NDRG1: variants seen among roughly 807,000 people sequenced by gnomAD.
The protein encoded by NDRG1 is N-myc downstream regulated 1.
A neutral mutation model predicts 56.9 loss-of-function variants in NDRG1; 32 were observed. That is an observed-to-expected ratio of 0.56 (90% CI 0.42 to 0.76). NDRG1 has a LOEUF of 0.76. NDRG1 is among the 30% of genes least tolerant of loss of function. The pLI, the probability that NDRG1 is intolerant of heterozygous loss-of-function variation, is 0.00. For synonymous variants in NDRG1, 211 were observed against 204.1 expected, an observed-to-expected ratio of 1.03 and a Z score of -0.29; for missense variants, 507 against 545.7, an observed-to-expected ratio of 0.93 and a Z score of 0.71.
At chr8:133,256,957 G>A in intron 7 of NDRG1, 94 bp from the exon 8 acceptor site, 1 of 1,222,192 alleles carries the variant, frequency 8.2e-7, no homozygotes, top group Non-Finnish European at 1.2e-6. Flanking sequence ...GAAGTACCCA[G>A]AAAAAGGCAG....
At chr8:133,276,027 A>G (rs565549799) in intron 3 of NDRG1, among the ~76,000 whole-genome samples, 2 of 152,352 alleles carry the variant, frequency 1.3e-5, no homozygotes, top group South Asian at 4.1e-4. Flanking sequence ...TTAAAGAAAT[A>G]AAGGAAGGCA....
intron 6 of NDRG1, 41 bp from the exon 7 acceptor site, chr8:133,258,467 G>A: frequency 6.3e-7 from 1 of 1,584,724 alleles, no homozygotes; most frequent in Non-Finnish European, 8.6e-7. Context: ...CAAGGACAGA[G>A]TGACGGGAGC....
chr8:133,297,158 A>T lies in NDRG1; in HGVS notation c.-43T>A, dbSNP rs1180317192. ...CCTAACGCGAGGGAGAAAGGAAAGG[A>T]CGGTGCCGAGGCTGGCGGCCCAGCG... On this transcript the variant is annotated 5_prime_UTR_variant, in exon 1 of 16. Coordinates refer to ENST00000323851, the MANE Select transcript of NDRG1 (RefSeq NM_006096.4). 6.6e-6 allele frequency: 1 copy of T among 152,340 alleles called. No homozygotes were observed. The highest frequency in any genetic ancestry group is 1.5e-5 in the Non-Finnish European group (1 of 68,106). The allele number at this position is 152,340 out of a possible 1,614,324, so 9.4% of individuals were successfully genotyped here.
At chr8:133,264,836 G>A in intron 3 of NDRG1, 184 bp from the exon 4 acceptor site, 1 of 647,986 alleles carries the variant, frequency 1.5e-6, no homozygotes, top group South Asian at 1.7e-5. Flanking sequence ...AGGGCTAGGA[G>A]GGGACTCCCA....
rs1376422128 is a variant in NDRG1, at chr8:133,241,646, A to G, written c.943+377T>C. On this transcript the variant is annotated intron_variant, in intron 15 of 15. Transcript: ENST00000323851. Reference sequence around the variant, plus strand: ...AATAATGTGTTAGTAATCTTTCATCATCATCGACACCATCTTCATCATCAC... The same window carrying G: ...AATAATGTGTTAGTAATCTTTCATCGTCATCGACACCATCTTCATCATCAC... 9.0e-5 allele frequency: 31 copies of G among 343,868 alleles called. No homozygotes were observed. The Admixed American group carries it at 1.3e-3, about 14-fold the overall frequency. The allele number at this position is 343,868 out of a possible 1,614,324, so 21.3% of individuals were successfully genotyped here.
chr8:133,270,542 T>C (rs1203475936), intron 3 of NDRG1, among the ~76,000 whole-genome samples: 1 of 152,056 alleles, frequency 6.6e-6, no homozygotes, highest in African/African-American at 2.4e-5. Context: ...GAGAGTTTTT[T>C]AAAAAGGGTC....
intron 1 of NDRG1, chr8:133,284,678 G>A (rs1858003095): frequency 6.6e-6 from 3 of 454,820 alleles, no homozygotes; most frequent in Non-Finnish European, 1.3e-5. Flanking sequence ...TTCTAGAAGG[G>A]GACCTGCATT....
In NDRG1 at chr8:133,248,725, C is replaced by T. The variant is rs1855837977; in HGVS notation, c.745G>A (p.Val249Ile). 1.9e-6 allele frequency: 3 copies of T among 1,614,124 alleles called. No individual in the cohort carries two copies. In the South Asian group the frequency reaches 3.3e-5, roughly 18 times the overall value. The part of the protein sequence containing the change: ...IERPMPGTHT[V>I]TLQCPALLVV... ...AGAAAAGCCACTCACTGCAGGGTGA[C>T]TGTGTGGGTTCCCGGCATTGGTCGC... is the stretch of plus-strand genomic sequence containing the variant. Residue 249 changes from valine to isoleucine, a missense_variant, in exon 11 of 16, where the codon GTC (valine) becomes ATC (isoleucine). Transcript: ENST00000323851.
intron 9 of NDRG1, among the ~76,000 whole-genome samples, chr8:133,251,179 C>T (rs1564284664): frequency 1.3e-5 from 2 of 152,322 alleles, no homozygotes; most frequent in Middle Eastern, 6.8e-3. Context: ...TCAGCCTCCC[C>T]GTCTCTGGGT....
chr8:133,267,627 C>A (rs958542270), intron 3 of NDRG1, among the ~76,000 whole-genome samples: 12 of 152,354 alleles, frequency 7.9e-5, no homozygotes, highest in Middle Eastern at 6.8e-3. Flanking sequence ...ACTGTGGGAA[C>A]AAAGGTCCAT....
chr8:133,254,973 C>A (rs1052151262), intron 8 of NDRG1: 5 of 340,992 alleles, frequency 1.5e-5, no homozygotes, highest in East Asian at 1.4e-4. Context: ...CCAGTCTATA[C>A]CCCAAGATAT....
Position 133,257,956 on chromosome 8 carries a change from A to C in NDRG1, c.450+410T>G, listed in dbSNP as rs183716165. On this transcript the variant is annotated intron_variant, in intron 7 of 15. Coordinates refer to ENST00000323851, the MANE Select transcript of NDRG1 (RefSeq NM_006096.4). ...CAAAGGAACAGTGGCTCTTGACCTG[A>C]GCCCAGAGAAATAACAATGACAACT... is the stretch of plus-strand genomic sequence containing the variant. Among the ~76,000 whole-genome samples, 122 of 152,332 alleles carry C rather than the reference A, an allele frequency of 8.0e-4. 1 individual carries two copies. Among genetic ancestry groups the C allele is most frequent in the African/African-American group, 2.9e-3 (121 of 41,576 alleles).
rs767952251 is a variant in NDRG1 at position 133,238,835 on chromosome 8, A to G, written c.*43T>C. On this transcript the variant is annotated 3_prime_UTR_variant, in exon 16 of 16. Transcript: ENST00000323851. ...AAAAGGGGCCGGGGAGGAGGGGGCC[A>G]CTACAGAGATCAGAGTCCGGGGGCG... is the stretch of plus-strand genomic sequence containing the variant. 7.4e-5 allele frequency: 114 copies of G among 1,537,052 alleles called. No individual in the cohort carries two copies. The highest frequency in any genetic ancestry group is 9.3e-5 in the Non-Finnish European group (107 of 1,145,318).
At chr8:133,273,747 C>T (rs544265088) in intron 3 of NDRG1, among the ~76,000 whole-genome samples, 6 of 152,372 alleles carry the variant, frequency 3.9e-5, no homozygotes, top group Non-Finnish European at 8.8e-5. Context: ...CTCACCTTAG[C>T]AGGGAAGCCC....
chr8:133,265,565 G>C (rs1049871834), intron 3 of NDRG1, among the ~76,000 whole-genome samples: 5 of 152,002 alleles, frequency 3.3e-5, no homozygotes, highest in African/African-American at 9.7e-5. Context: ...GAGCCAGATG[G>C]TTCTCTGGGT....
Position 133,254,578 on chromosome 8 carries a change from T to C in NDRG1, c.555A>G (p.Gln185=), listed in dbSNP as rs369577648. ...GGGACACCACCATGTCCGGCAGAGC[T>C]TGGGTCCATCCTGAGATCTGGAAAG... ...WAASKISGWT[Q]ALPDMVVSHL... is the part of the protein sequence containing the mutation. The change falls in exon 9 of 16, where the codon CAA becomes CAG. Residue 185 remains glutamine, a synonymous_variant. Transcript: ENST00000323851. The C allele has an allele frequency of 6.2e-7, 1 of 1,614,104 alleles. No individual in the cohort carries two copies. Among genetic ancestry groups the C allele is most frequent in the Non-Finnish European group, 8.5e-7 (1 of 1,180,004 alleles).
chr8:133,255,891 GGA>G (rs1163181335), intron 8 of NDRG1: 1 of 153,074 alleles, frequency 6.5e-6, no homozygotes, highest in African/African-American at 2.4e-5. Context: ...GCCTTTACAG[GGA>G]AAAAAACAAA....
intron 1 of NDRG1, among the ~76,000 whole-genome samples, chr8:133,289,591 C>A (rs1034239188): frequency 4.6e-5 from 7 of 152,140 alleles, no homozygotes; most frequent in Non-Finnish European, 8.8e-5. Context: ...TCCAGCAGAC[C>A]CAGGAGAGTC....
At chr8:133,242,722 AAAG>A (rs147101364) in intron 14 of NDRG1, among the ~76,000 whole-genome samples, 71,389 of 151,248 alleles carry the variant, frequency 0.47, 16,854 homozygotes, top group East Asian at 0.53. Flanking sequence ...AGGAAGGAAA[AAAG>A]AAAGAAAGGA....
Sources: allele counts gnomAD v4.1 joint callset (sites outside exome capture counted in the v4.1 genomes callset), GRCh38; gene constraint gnomAD v4.1.1; transcripts MANE v1.5; gene names NCBI Gene and HGNC (gene_info 2026-07-23, HGNC 2026-07-21).